Variants in CLMN observed in about 807,000 individuals in gnomAD.
CLMN encodes the protein calmin, also known as calmin (calponin-like, transmembrane).
Under a neutral mutation model 92.7 loss-of-function variants are expected in CLMN, and 57 were observed. That is an observed-to-expected ratio of 0.61 (90% CI 0.50 to 0.77). The LOEUF (loss-of-function observed/expected upper bound fraction) is 0.77. Among genes scored for constraint, CLMN ranks in the 30% least tolerant of loss-of-function variants. CLMN has a pLI of 0.00. For synonymous variants in CLMN, 466 were observed against 470.6 expected, an observed-to-expected ratio of 0.99 and a Z score of 0.13; for missense variants, 1,158 against 1,237.5, an observed-to-expected ratio of 0.94 and a Z score of 0.96.
At chr14:95,295,331 C>A (rs55786549) in intron 1 of CLMN, among the ~76,000 whole-genome samples, 47,905 of 152,098 alleles carry the variant, frequency 0.31, 8,158 homozygotes, top group East Asian at 0.6. Context: ...CAGAGCTATC[C>A]TTCACTCAAC....
intron 1 of CLMN, among the ~76,000 whole-genome samples, chr14:95,257,623 G>A (rs543039018): frequency 3.9e-5 from 6 of 152,372 alleles, no homozygotes; most frequent in East Asian, 3.9e-4. Context: ...CAACGACAAC[G>A]TGTTCAAACT....
At chr14:95,307,642 C>G (rs1009997341) in intron 1 of CLMN, 2 of 152,302 alleles carry the variant, frequency 1.3e-5, no homozygotes, top group African/African-American at 2.4e-5. Context: ...CTTTCGGCAC[C>G]CAAGGCCCTT....
chr14:95,196,470 T>TA (rs775752637), intron 10 of CLMN, 28 bp downstream of exon 10: 4 of 1,592,922 alleles, frequency 2.5e-6, no homozygotes, highest in Non-Finnish European at 3.4e-6. Context: ...GGCTCCACCT[T>TA]ACGGGTGAAA....
chr14:95,195,907 G>A (rs2140561164), intron 10 of CLMN, among the ~76,000 whole-genome samples: 1 of 152,302 alleles, frequency 6.6e-6, no homozygotes, highest in African/African-American at 2.4e-5. Context: ...TGACAGAGCA[G>A]AGGTGTGCTA....
chr14:95,215,576 T>C (rs113240599), intron 5 of CLMN, 65 bp downstream of exon 5: 2 of 1,409,938 alleles, frequency 1.4e-6, no homozygotes, highest in Admixed American at 3.4e-5. Flanking sequence ...GGCCCCACTC[T>C]CTTCTGTGGC....
Position 95,316,308 on chromosome 14 carries a change from T to A in CLMN, c.82+3403A>T, listed in dbSNP as rs552074047. ...GTCAACAGCTTGGACCACCCCTGTT[T>A]CCTTGCAAGGGACCCTGTGAGGGTG... On this transcript the variant is annotated intron_variant, in intron 1 of 12. Transcript: ENST00000298912. Among the ~76,000 whole-genome samples, 13 of 152,394 alleles carry A rather than the reference T, an allele frequency of 8.5e-5. No individual in the cohort carries two copies. In the South Asian group the frequency reaches 2.7e-3, roughly 32 times the overall value.
intron 1 of CLMN, among the ~76,000 whole-genome samples, chr14:95,295,957 C>A (rs562656126): frequency 3.3e-5 from 5 of 152,336 alleles, no homozygotes; most frequent in African/African-American, 7.2e-5. Context: ...GAAAACAACC[C>A]AAACTTATCT....
intron 1 of CLMN, among the ~76,000 whole-genome samples, chr14:95,257,624 T>C (rs1899053519): frequency 6.6e-6 from 1 of 152,222 alleles, no homozygotes; most frequent in African/African-American, 2.4e-5. Context: ...AACGACAACG[T>C]GTTCAAACTC....
chr14:95,226,597 G>A (rs1273569123), intron 2 of CLMN, among the ~76,000 whole-genome samples: 1 of 151,518 alleles, frequency 6.6e-6, no homozygotes, highest in South Asian at 2.1e-4. Context: ...TTTTTTTTGA[G>A]ATGAGATCTT....
At chr14:95,257,778 T>C (rs1406794897) in intron 1 of CLMN, among the ~76,000 whole-genome samples, 2 of 152,240 alleles carry the variant, frequency 1.3e-5, no homozygotes, top group African/African-American at 2.4e-5. Flanking sequence ...CCAGTCCCAG[T>C]TGGACTGACT....
intron 1 of CLMN, among the ~76,000 whole-genome samples, chr14:95,262,625 G>T (rs949794628): frequency 1.3e-5 from 2 of 152,242 alleles, no homozygotes; most frequent in East Asian, 1.9e-4. Context: ...GAGTATAGTG[G>T]TGTGATCATG....
At chr14:95,211,651 A>T (rs1595572767) in intron 6 of CLMN, among the ~76,000 whole-genome samples, 1 of 117,818 alleles carries the variant, frequency 8.5e-6, no homozygotes, top group Non-Finnish European at 1.6e-5. Context: ...AACGCTCTTA[A>T]AAAAAAAAAA....
Position 95,191,970 on chromosome 14 carries a change from T to TA in CLMN, c.2841-239_2841-238insT. ...CTCCGTTCATCTCCATAACATCAGG[T>TA]GAGAGGAGGTGGCAGCCCCATTCTG... On this transcript the variant is annotated intron_variant, in intron 12 of 12. Coordinates refer to ENST00000298912, the MANE Select transcript of CLMN (RefSeq NM_024734.4). The surrounding 1 kb of genome is among the most constrained non-coding windows in gnomAD (Gnocchi z 5.3). 1 of 390,154 alleles carries TA rather than the reference T, an allele frequency of 2.6e-6. No homozygotes were observed. Among genetic ancestry groups the TA allele is most frequent in the Non-Finnish European group, 4.6e-6 (1 of 218,292 alleles). 24.2% of individuals were successfully genotyped at this position (390,154 alleles called of 1,614,324 possible).
intron 1 of CLMN, among the ~76,000 whole-genome samples, chr14:95,313,184 T>A (rs1901616842): frequency 6.6e-6 from 1 of 152,210 alleles, no homozygotes; most frequent in Non-Finnish European, 1.5e-5. Flanking sequence ...CCAGCCTTGG[T>A]GACAAGAATG....
chr14:95,205,930 G>A (rs543454590), intron 8 of CLMN, among the ~76,000 whole-genome samples: 2 of 151,984 alleles, frequency 1.3e-5, no homozygotes, highest in Non-Finnish European at 2.9e-5. Context: ...TCAGACCAAT[G>A]GAAAACAATA....
intron 9 of CLMN, 108 bp downstream of exon 9, chr14:95,202,730 G>T (rs1896918295): frequency 8.0e-7 from 1 of 1,244,136 alleles, no homozygotes; most frequent in Middle Eastern, 2.3e-4. Context: ...TAGTCCCAAG[G>T]GAAGCCCCCT....
At chr14:95,254,524 C>T (rs780534967) in intron 1 of CLMN, among the ~76,000 whole-genome samples, 2 of 152,166 alleles carry the variant, frequency 1.3e-5, no homozygotes, top group South Asian at 4.1e-4. Flanking sequence ...TGCACACACA[C>T]TTGGACGTCC....
chr14:95,233,157 T>C (rs1363161121), intron 1 of CLMN, among the ~76,000 whole-genome samples: 1 of 152,224 alleles, frequency 6.6e-6, no homozygotes, highest in Non-Finnish European at 1.5e-5. Context: ...GGTTTCTCCA[T>C]ATGGCTTCAG....
chr14:95,186,331 T>G lies in CLMN; in HGVS notation c.*5233A>C, dbSNP rs1017059465. On this transcript the variant is annotated 3_prime_UTR_variant, in exon 13 of 13. Coordinates refer to ENST00000298912, the MANE Select transcript of CLMN (RefSeq NM_024734.4). ...GGGAAGAGGGTGGGGGGAACTATGC[T>G]GAACCTCAGAAATGGAGACGCCCAT... is the stretch of plus-strand genomic sequence containing the variant. The G allele has an allele frequency of 6.6e-6, 1 of 152,238 alleles. No homozygotes were observed. Among genetic ancestry groups the G allele is most frequent in the Non-Finnish European group, 1.5e-5 (1 of 68,070 alleles). The allele number at this position is 152,238 out of a possible 1,614,324, so 9.4% of individuals were successfully genotyped here.
Sources: allele counts gnomAD v4.1 joint callset (sites outside exome capture counted in the v4.1 genomes callset), GRCh38; gene constraint gnomAD v4.1.1; non-coding constraint Gnocchi (gnomAD v3.1); transcripts MANE v1.5; gene names NCBI Gene and HGNC (gene_info 2026-07-23, HGNC 2026-07-21).